The following CCPG1 variants were observed in gnomAD, a reference collection of about 807,000 sequenced individuals.
The protein encoded by CCPG1 is cell cycle progression 1, also known as cell cycle progression protein 1.
In CCPG1, 46 loss-of-function variants were observed where a neutral mutation model predicts 81.3. The observed-to-expected ratio is 0.57, with a 90% CI of 0.45 to 0.72. CCPG1 has a LOEUF of 0.72. Ranked by LOEUF, CCPG1 falls within the 30% of genes least tolerant of loss-of-function variation. The pLI, the probability that CCPG1 is intolerant of heterozygous loss-of-function variation, is 0.00. For synonymous variants in CCPG1, 330 were observed against 305.2 expected, an observed-to-expected ratio of 1.08 and a Z score of -0.85; for missense variants, 902 against 937.6, an observed-to-expected ratio of 0.96 and a Z score of 0.50.
At position 55,391,886 on chromosome 15, in the gene CCPG1, A is replaced by AAGG. The variant is rs1195850342; in HGVS notation, c.-9-2456_-9-2454dup. ...CCTTGACTCTTTAAAAAAAAAAAAA[A>AAGG]AGGGGGGGGGGGGCTAGGTGTGGTA... On this transcript the variant is annotated intron_variant, in intron 1 of 8. Coordinates refer to ENST00000442196, the MANE Select transcript of CCPG1 (RefSeq NM_001204450.2). Among the ~76,000 whole-genome samples, 16 of 40,698 alleles carry AAGG rather than the reference A, an allele frequency of 3.9e-4. 1 individual carries two copies. In the South Asian group the frequency reaches 0.028, roughly 72 times the overall value. The allele number at this position is 40,698 out of a possible 152,430, so 26.7% of individuals were successfully genotyped here. A position where few individuals can be genotyped will look rare whatever the true frequency, so the allele number is the denominator to read the frequency against.
intron 1 of CCPG1, among the ~76,000 whole-genome samples, chr15:55,401,254 T>C (rs538951079): frequency 6.6e-6 from 1 of 152,346 alleles, no homozygotes; most frequent in African/African-American, 2.4e-5. Flanking sequence ...ATTTCTGTGT[T>C]CTCTATTCTG....
chr15:55,368,593 A>G (rs1023528982), intron 6 of CCPG1, among the ~76,000 whole-genome samples: 2 of 152,248 alleles, frequency 1.3e-5, no homozygotes, highest in Non-Finnish European at 2.9e-5. Flanking sequence ...GAATGTTGAT[A>G]GTCACAAGCA....
intron 3 of CCPG1, among the ~76,000 whole-genome samples, chr15:55,378,844 A>C (rs1595843121): frequency 6.6e-6 from 1 of 151,986 alleles, no homozygotes; most frequent in Admixed American, 6.6e-5. Context: ...CGATCCGCCC[A>C]CCTTGGCCTC....
At chr15:55,363,837 T>C (rs1174229249) in intron 7 of CCPG1, among the ~76,000 whole-genome samples, 1 of 135,182 alleles carries the variant, frequency 7.4e-6, no homozygotes, top group Non-Finnish European at 1.6e-5. Flanking sequence ...ACAGTCTTCC[T>C]CTGTGGCCCA....
intron 5 of CCPG1, chr15:55,372,812 ACT>A: frequency 2.6e-6 from 1 of 377,792 alleles, no homozygotes; most frequent in South Asian, 2.2e-5. Context: ...ATTTCCTGTG[ACT>A]TATAAAGTAA....
At chr15:55,362,156 G>T (rs1408536295) in intron 7 of CCPG1, among the ~76,000 whole-genome samples, 1 of 152,026 alleles carries the variant, frequency 6.6e-6, no homozygotes, top group African/African-American at 2.4e-5. Flanking sequence ...ACCAAAAACA[G>T]TCAAAACTTA....
chr15:55,363,030 A>C (rs1199333857), intron 7 of CCPG1, among the ~76,000 whole-genome samples: 1 of 148,168 alleles, frequency 6.7e-6, no homozygotes, highest in African/African-American at 2.5e-5. Context: ...ATAAGAATGA[A>C]ACCCTGTCTC....
chr15:55,407,085 G>C (rs1052117402), intron 1 of CCPG1, among the ~76,000 whole-genome samples: 9 of 142,268 alleles, frequency 6.3e-5, no homozygotes, highest in African/African-American at 2.6e-4. Flanking sequence ...AAATTTAGCT[G>C]GGCGTGGTGG....
rs751198168 is a variant in CCPG1 at position 55,407,037 on chromosome 15, A to ACCCCC, written c.-10+1179_-10+1183dup. ...AGACCAGCCTGGCCGACACGTTGAG[A>ACCCCC]CCCCCCCCCCCGCCCCGCCGTCTCT... On this transcript the variant is annotated intron_variant, in intron 1 of 8. Coordinates refer to ENST00000442196, the MANE Select transcript of CCPG1 (RefSeq NM_001204450.2). Among the ~76,000 whole-genome samples, 47 of 112,680 alleles carry ACCCCC rather than the reference A, an allele frequency of 4.2e-4. 5 individuals carry two copies. The highest frequency in any genetic ancestry group is 1.8e-3 in the African/African-American group (40 of 21,870). The allele number at this position is 112,680 out of a possible 152,430, so 73.9% of individuals were successfully genotyped here.
At chr15:55,371,703 G>A (rs1375436577) in intron 6 of CCPG1, 90 bp downstream of exon 6, 6 of 1,293,160 alleles carry the variant, frequency 4.6e-6, no homozygotes, top group Non-Finnish European at 6.4e-6. Context: ...ATTTAATAAT[G>A]GCACTGAAAA....
chr15:55,392,028 T>TA (rs71437812), intron 1 of CCPG1, among the ~76,000 whole-genome samples: 4,513 of 103,874 alleles, frequency 0.043, 108 homozygotes, highest in Middle Eastern at 0.12. Flanking sequence ...TTCTGATTCC[T>TA]AAAAAAAAAA....
chr15:55,388,972 G>T (rs988714845), intron 2 of CCPG1, among the ~76,000 whole-genome samples: 2 of 143,528 alleles, frequency 1.4e-5, no homozygotes, highest in Middle Eastern at 3.9e-3. Flanking sequence ...GGAGGCTGAG[G>T]CAGGAGAATC....
chr15:55,365,425 T>G (rs906602428), intron 6 of CCPG1, 116 bp from the exon 7 acceptor site: 15 of 640,936 alleles, frequency 2.3e-5, no homozygotes, highest in African/African-American at 5.8e-5. Context: ...TTTTGTTTTT[T>G]TTTTTTGTTT....
intron 2 of CCPG1, among the ~76,000 whole-genome samples, chr15:55,386,241 T>A (rs1247586607): frequency 6.6e-6 from 1 of 151,522 alleles, no homozygotes; most frequent in Non-Finnish European, 1.5e-5. Flanking sequence ...TTACAACATA[T>A]TCAGAGAAAC....
chr15:55,398,554 AG>A (rs2057065966), intron 1 of CCPG1, among the ~76,000 whole-genome samples: 1 of 152,092 alleles, frequency 6.6e-6, no homozygotes. Flanking sequence ...CACTTGAGAA[AG>A]GGAAGAGGAT....
rs1168436091 is a variant in CCPG1 at position 55,377,071 on chromosome 15, G to A, written c.332C>T (p.Pro111Leu). 1 of 1,613,410 alleles carries A rather than the reference G, an allele frequency of 6.2e-7. No individual in the cohort carries two copies. Among genetic ancestry groups the A allele is most frequent in the Non-Finnish European group, 8.5e-7 (1 of 1,179,604 alleles). Residue 111 changes from proline (P) to leucine (L), a missense_variant, in exon 5 of 9, where the codon CCA becomes CTA. Around this residue, in one of 3 missense-constraint regions of CCPG1, gnomAD observed 746 missense variants for 728.6 expected, o/e 1.02. Transcript: ENST00000442196. Reference sequence around the variant, plus strand: ...ATTTCCAATTTCTTCTAACTTAGGTGGCTCAAGGGTAACAATATCAGAATC... The same window carrying A: ...ATTTCCAATTTCTTCTAACTTAGGTAGCTCAAGGGTAACAATATCAGAATC... ...SDDSDIVTLEPPKLEEIGNQE... is the reference protein window; with the variant it reads ...SDDSDIVTLELPKLEEIGNQE...
rs28710920 is a variant in CCPG1, at chr15:55,386,436, G to A, written c.61-722C>T. On this transcript the variant is annotated intron_variant, in intron 2 of 8. Coordinates refer to ENST00000442196, the MANE Select transcript of CCPG1 (RefSeq NM_001204450.2). Reference sequence around the variant, plus strand: ...AGACTGTCTTTTCATTAATAATAGCGGATCATACAATTTTTCTTTGTGTCT... The same window carrying A: ...AGACTGTCTTTTCATTAATAATAGCAGATCATACAATTTTTCTTTGTGTCT... Among the ~76,000 whole-genome samples, 1,247 of 152,074 alleles carry A rather than the reference G, an allele frequency of 8.2e-3. 14 individuals are homozygous for A. Among genetic ancestry groups the A allele is most frequent in the Non-Finnish European group, 0.013 (872 of 67,988 alleles).
chr15:55,366,086 A>G (rs572412969), intron 6 of CCPG1, among the ~76,000 whole-genome samples: 2 of 152,200 alleles, frequency 1.3e-5, no homozygotes, highest in Non-Finnish European at 1.5e-5. Context: ...ACATTTAAGC[A>G]GTTCACTATC....
chr15:55,377,712 A>C (rs1010983554), intron 4 of CCPG1, among the ~76,000 whole-genome samples: 3 of 152,250 alleles, frequency 2.0e-5, no homozygotes, highest in African/African-American at 4.8e-5. Flanking sequence ...AACAGGCTTC[A>C]TGCAGCATCC....
Sources: gnomAD v4.1 joint callset for allele counts (sites outside exome capture counted in the v4.1 genomes callset) on GRCh38, gnomAD v4.1.1 for gene constraint, gnomAD v4.1.1 regional missense constraint, MANE v1.5 for transcripts, NCBI Gene and HGNC (gene_info 2026-07-23, HGNC 2026-07-21) for gene names.